Variants in COL15A1 observed in about 807,000 individuals in gnomAD.
COL15A1 encodes the protein collagen type XV alpha 1 chain.
COL15A1 carries 111 observed loss-of-function variants against 165.9 expected under a neutral mutation model. The observed-to-expected ratio is 0.67, with a 90% confidence interval of 0.57 to 0.78. COL15A1 has a LOEUF of 0.78. Among genes scored for constraint, COL15A1 ranks in the 30% least tolerant of loss-of-function variants. COL15A1 has a pLI of 0.00. For missense variants in COL15A1, 1,745 were observed against 1,789.7 expected (o/e 0.98, Z 0.45); for synonymous variants, 659 against 674.8 (o/e 0.98, Z 0.36).
chr9:99,038,080 A>G (rs998075883), intron 21 of COL15A1, among the ~76,000 whole-genome samples: 1 of 152,176 alleles, frequency 6.6e-6, no homozygotes, highest in African/African-American at 2.4e-5. Flanking sequence ...CAAGCCCCAA[A>G]TAACTGGAAA....
At chr9:99,020,587 G>T in intron 12 of COL15A1, 145 bp downstream of exon 12, 5 of 633,234 alleles carry the variant, frequency 7.9e-6, no homozygotes, top group Non-Finnish European at 1.4e-5. Flanking sequence ...GGACTTGTAG[G>T]TCTGGGAGAA....
Position 99,034,586 on chromosome 9 carries a change from TAAAAAAAAAA to T in COL15A1, c.2079+21_2079+30del, listed in dbSNP as rs60290557. ...CCTAATGGCTCAGTTGGTGAAAAGG[TAAAAAAAAAA>T]AAAAAAAAAAAAAAAAAAGAACTTT... is the stretch of plus-strand genomic sequence containing the variant. On this transcript the variant is annotated splice_donor_5th_base_variant and intron_variant, in intron 17 of 41. Transcript: ENST00000375001. 4.4e-4 allele frequency: 474 copies of T among 1,074,636 alleles called. 1 individual carries two copies. The African/African-American group carries it at 6.6e-3, about 15-fold the overall frequency. 66.6% of individuals were successfully genotyped at this position (1,074,636 alleles called of 1,614,324 possible). A position where few individuals can be genotyped will look rare whatever the true frequency, so the allele number is the denominator to read the frequency against.
chr9:99,048,519 A>ATTTTGTTTTG (rs112566357), intron 28 of COL15A1, among the ~76,000 whole-genome samples: 2 of 151,784 alleles, frequency 1.3e-5, no homozygotes, highest in Admixed American at 6.6e-5. Context: ...GTGCAAAGTG[A>ATTTTGTTTTG]TTTTGTTTTG....
intron 35 of COL15A1, among the ~76,000 whole-genome samples, chr9:99,058,562 C>T (rs888200803): frequency 5.9e-5 from 9 of 152,132 alleles, no homozygotes; most frequent in African/African-American, 2.2e-4. Flanking sequence ...TTAGGGCTGC[C>T]GGGATGCCTT....
In COL15A1 at chr9:98,986,060, G is replaced by A. The variant is rs765891236; in HGVS notation, c.596G>A (p.Ser199Asn). The A allele has an allele frequency of 6.2e-7, 1 of 1,614,026 alleles. No individual in the cohort carries two copies. The highest frequency in any genetic ancestry group is 8.5e-7 in the Non-Finnish European group (1 of 1,180,030). The change falls in exon 3 of 42, where the codon AGC becomes AAC. Residue 199 changes from serine (S) to asparagine (N), a missense_variant. Transcript: ENST00000375001. ...RSSQALAFES[S>N]AGIFMGNAGA... ...TCCCAGGCTTTGGCTTTTGAGTCCA[G>A]CGCTGGAATCTTCATGGGCAATGCA...
intron 2 of COL15A1, among the ~76,000 whole-genome samples, chr9:98,949,816 C>T (rs530679002): frequency 1.3e-5 from 2 of 152,294 alleles, no homozygotes; most frequent in South Asian, 2.1e-4. Flanking sequence ...AAAGAAATAT[C>T]TATGCCCATT....
chr9:98,947,948 A>T (rs1837611329), intron 2 of COL15A1, among the ~76,000 whole-genome samples: 1 of 152,200 alleles, frequency 6.6e-6, no homozygotes, highest in Non-Finnish European at 1.5e-5. Context: ...AACTTAGATG[A>T]GTTGCTTTTC....
chr9:99,001,599 C>G (rs550756624), intron 7 of COL15A1, among the ~76,000 whole-genome samples: 1 of 152,136 alleles, frequency 6.6e-6, no homozygotes, highest in Admixed American at 6.5e-5. Flanking sequence ...CAGTTTCCCC[C>G]CTTCTATACT....
chr9:99,058,800 G>A (rs935530144), intron 35 of COL15A1, among the ~76,000 whole-genome samples: 1 of 152,164 alleles, frequency 6.6e-6, no homozygotes, highest in African/African-American at 2.4e-5. Context: ...ATCCAAATCC[G>A]AGTCCACTGG....
At chr9:98,964,362 G>A (rs773466850) in intron 2 of COL15A1, among the ~76,000 whole-genome samples, 20 of 152,208 alleles carry the variant, frequency 1.3e-4, no homozygotes, top group Non-Finnish European at 2.5e-4. Flanking sequence ...AATTAAACAA[G>A]AGTCAGCCTG....
At chr9:98,969,729 G>A (rs1331875533) in intron 2 of COL15A1, among the ~76,000 whole-genome samples, 1 of 152,244 alleles carries the variant, frequency 6.6e-6, no homozygotes, top group Non-Finnish European at 1.5e-5. Flanking sequence ...TTCCTGGAGT[G>A]GGTCAGGCTT....
At chr9:99,018,123 A>G (rs1204401006) in intron 11 of COL15A1, among the ~76,000 whole-genome samples, 1 of 152,230 alleles carries the variant, frequency 6.6e-6, no homozygotes, top group Non-Finnish European at 1.5e-5. Flanking sequence ...ATCACGATGC[A>G]TCTAACAAAA....
intron 5 of COL15A1, among the ~76,000 whole-genome samples, chr9:98,989,590 T>C (rs1838381329): frequency 6.6e-6 from 1 of 152,358 alleles, no homozygotes; most frequent in East Asian, 1.9e-4. Context: ...CCTCAACTCC[T>C]CTTCCAAGAA....
intron 35 of COL15A1, 35 bp from the exon 36 acceptor site, chr9:99,059,853 GT>G: frequency 1.2e-6 from 2 of 1,611,202 alleles, no homozygotes; most frequent in African/African-American, 1.3e-5. Context: ...TCAGAGTGTG[GT>G]TTTTGTGTAA....
rs759815607 is a variant in COL15A1, at chr9:99,049,724, CT to C, written c.2829del (p.Pro945HisfsTer5). Reference protein sequence around the residue: ...PPGLPGPPGPPGPPGAVINIK... With the variant: ...PPGLPGPPGPXGPPGAVINIK... Reference sequence around the variant, plus strand: ...GGCTTACCTGGCCCTCCAGGCCCCCCTGGGCCACCTGGAGCTGTGATTAACA... The same window carrying C: ...GGCTTACCTGGCCCTCCAGGCCCCCCGGGCCACCTGGAGCTGTGATTAACA... On this transcript the variant is annotated frameshift_variant, in exon 29 of 42. Coordinates refer to ENST00000375001, the MANE Select transcript of COL15A1 (RefSeq NM_001855.5). LOFTEE classifies it high-confidence loss of function. 20 of 1,613,954 alleles carry C rather than the reference CT, an allele frequency of 1.2e-5. No individual in the cohort carries two copies. The highest frequency in any genetic ancestry group is 1.5e-5 in the Non-Finnish European group (18 of 1,180,052).
At chr9:99,063,245 T>C in intron 39 of COL15A1, 136 bp downstream of exon 39, 1 of 1,109,132 alleles carries the variant, frequency 9.0e-7, no homozygotes, top group Non-Finnish European at 1.2e-6. Flanking sequence ...AAACAGAGAA[T>C]TACAATACAG....
intron 5 of COL15A1, among the ~76,000 whole-genome samples, chr9:98,995,742 C>T (rs1299498560): frequency 6.6e-6 from 1 of 152,246 alleles, no homozygotes; most frequent in African/African-American, 2.4e-5. Flanking sequence ...GGTGTTAGGA[C>T]TCAAGGTGAT....
chr9:99,067,028 G>C lies in COL15A1; in HGVS notation c.3798G>C (p.Arg1266Ser). ...SHLQDLSTIVRKAERYSLPIV... is the reference protein window; with the variant it reads ...SHLQDLSTIVSKAERYSLPIV... Reference sequence around the variant, plus strand: ...TGCAAGATCTGTCCACCATTGTGAGGAAAGCAGAGAGATACAGCCTTCCCA... The same window carrying C: ...TGCAAGATCTGTCCACCATTGTGAGCAAAGCAGAGAGATACAGCCTTCCCA... Residue 1266 changes from arginine (R) to serine (S), a missense_variant, in exon 40 of 42, where the codon AGG becomes AGC. Transcript: ENST00000375001. 6.2e-7 allele frequency: 1 copy of C among 1,614,130 alleles called. No homozygotes were observed. The highest frequency in any genetic ancestry group is 8.5e-7 in the Non-Finnish European group (1 of 1,180,006).
intron 2 of COL15A1, among the ~76,000 whole-genome samples, chr9:98,970,062 G>T (rs1423656684): frequency 2.8e-5 from 4 of 141,302 alleles, no homozygotes; most frequent in Non-Finnish European, 6.1e-5. Flanking sequence ...AAAAAAAAAA[G>T]TCTCCCCAGG....
Sources: allele counts gnomAD v4.1 joint callset (sites outside exome capture counted in the v4.1 genomes callset), GRCh38; gene constraint gnomAD v4.1.1; transcripts MANE v1.5; gene names NCBI Gene and HGNC (gene_info 2026-07-23, HGNC 2026-07-21).